FBXO36: variants seen among roughly 807,000 people sequenced by gnomAD.
The protein encoded by FBXO36 is F-box only protein 36.
Under a neutral mutation model 17.0 loss-of-function variants are expected in FBXO36, and 18 were observed. That is an observed-to-expected ratio of 1.06 (90% confidence interval 0.73 to 1.57). The LOEUF (loss-of-function observed/expected upper bound fraction) is 1.57. Among genes scored for constraint, FBXO36 ranks in the 40% most tolerant of loss-of-function variants. The pLI, the probability that FBXO36 is intolerant of heterozygous loss-of-function variation, is 0.00. For synonymous variants in FBXO36, 83 were observed against 85.3 expected (o/e 0.97, Z 0.15); for missense variants, 229 against 221.9 (o/e 1.03, Z -0.20).
At chr2:229,953,055 C>A (rs1054916347) in intron 1 of FBXO36, among the ~76,000 whole-genome samples, 1 of 152,028 alleles carries the variant, frequency 6.6e-6, no homozygotes, top group East Asian at 1.9e-4. Flanking sequence ...GAAAAGAAAA[C>A]GGCCGGGTGC....
At chr2:229,964,094 A>T (rs1365931423) in intron 1 of FBXO36, among the ~76,000 whole-genome samples, 1 of 151,290 alleles carries the variant, frequency 6.6e-6, no homozygotes, top group African/African-American at 2.4e-5. Flanking sequence ...TTCTCTCTTT[A>T]TACAAACTCT....
chr2:229,930,102 C>T (rs1449809031), intron 1 of FBXO36, among the ~76,000 whole-genome samples: 2 of 152,226 alleles, frequency 1.3e-5, no homozygotes, highest in Admixed American at 6.5e-5. Flanking sequence ...AATCCTAGCA[C>T]GTTGGGAGAC....
At chr2:229,983,101 C>T (rs774478527) in intron 2 of FBXO36, among the ~76,000 whole-genome samples, 10 of 152,128 alleles carry the variant, frequency 6.6e-5, no homozygotes, top group Admixed American at 1.3e-4. Context: ...TCCTGCCGGG[C>T]GCGGTGGCTC....
At chr2:229,969,786 A>T (rs1007468798) in intron 1 of FBXO36, among the ~76,000 whole-genome samples, 3 of 152,244 alleles carry the variant, frequency 2.0e-5, no homozygotes, top group African/African-American at 7.2e-5. Context: ...GGAACAGAAT[A>T]GCAGAAAATA....
At chr2:229,980,406 G>C (rs1228618896) in intron 2 of FBXO36, among the ~76,000 whole-genome samples, 1 of 152,012 alleles carries the variant, frequency 6.6e-6, no homozygotes, top group African/African-American at 2.4e-5. Flanking sequence ...CCAGAGCTAT[G>C]TGTCTAGTTA....
At chr2:229,934,551 A>G (rs1285515087) in intron 1 of FBXO36, among the ~76,000 whole-genome samples, 1 of 152,238 alleles carries the variant, frequency 6.6e-6, no homozygotes, top group Non-Finnish European at 1.5e-5. Context: ...TTGGAAAACC[A>G]GTCAGCAGTC....
chr2:229,984,391 AT>A (rs1363696932), intron 2 of FBXO36, among the ~76,000 whole-genome samples: 48 of 147,716 alleles, frequency 3.2e-4, no homozygotes, highest in African/African-American at 8.4e-4. Flanking sequence ...TTTAGGTTTT[AT>A]TTTTTTTTTA....
chr2:229,984,087 C>T (rs1276128338), intron 2 of FBXO36, among the ~76,000 whole-genome samples: 2 of 152,150 alleles, frequency 1.3e-5, no homozygotes, highest in East Asian at 1.9e-4. Context: ...CGGTGGCTCA[C>T]GCCTGTAATC....
intron 2 of FBXO36, among the ~76,000 whole-genome samples, chr2:229,979,582 C>A (rs188626408): frequency 3.3e-5 from 5 of 151,934 alleles, no homozygotes; most frequent in Admixed American, 2.0e-4. Flanking sequence ...GTGTTTGAGA[C>A]CAGCTTGGCC....
chr2:229,956,276 G>A (rs1035832), intron 1 of FBXO36, among the ~76,000 whole-genome samples: 1 of 152,168 alleles, frequency 6.6e-6, no homozygotes, highest in African/African-American at 2.4e-5. Context: ...CTTTCAGATG[G>A]CTGACTTCTT....
intron 2 of FBXO36, among the ~76,000 whole-genome samples, chr2:229,982,827 A>G (rs2077247891): frequency 6.6e-6 from 1 of 150,728 alleles, no homozygotes; most frequent in South Asian, 2.1e-4. Context: ...ACATCTGCAC[A>G]GTTACTTTTG....
rs187801496 is a variant in FBXO36 at position 229,982,400 on chromosome 2, G to A, written c.205+6051G>A. Among the ~76,000 whole-genome samples the A allele has an allele frequency of 4.1e-3, 631 of 152,062 alleles. 7 individuals are homozygous for A. Among genetic ancestry groups the A allele is most frequent in the African/African-American group, 0.013 (551 of 41,482 alleles). On this transcript the variant is annotated intron_variant, in intron 2 of 3. Coordinates refer to ENST00000283946, the MANE Select transcript of FBXO36 (RefSeq NM_174899.5). ...GAGGCATCACTCTCACCTTGCCTCC[G>A]TGGTCATGTCTCCTTCTCTGACTAT...
At chr2:229,984,256 G>A in intron 2 of FBXO36, among the ~76,000 whole-genome samples, 1 of 151,758 alleles carries the variant, frequency 6.6e-6, no homozygotes, top group South Asian at 2.1e-4. Context: ...GTTGAGGCAG[G>A]AGAATCGCTT....
intron 3 of FBXO36, among the ~76,000 whole-genome samples, chr2:229,998,204 G>A (rs909723999): frequency 6.6e-6 from 1 of 152,124 alleles, no homozygotes; most frequent in Non-Finnish European, 1.5e-5. Flanking sequence ...AGGCACAGTG[G>A]CTCATGACTG....
intron 1 of FBXO36, among the ~76,000 whole-genome samples, chr2:229,932,244 G>GGCAC (rs1560429773): frequency 1.3e-5 from 2 of 151,898 alleles, no homozygotes; most frequent in African/African-American, 4.8e-5. Context: ...GCCAGGGCCC[G>GGCAC]GCACGGTGGC....
intron 2 of FBXO36, among the ~76,000 whole-genome samples, chr2:229,984,219 G>A (rs1472368829): frequency 6.6e-6 from 1 of 151,334 alleles, no homozygotes; most frequent in Non-Finnish European, 1.5e-5. Flanking sequence ...ATGGTGGCAC[G>A]TGCCTGTAGT....
chr2:229,935,021 A>G (rs1372585767), intron 1 of FBXO36, among the ~76,000 whole-genome samples: 1 of 152,188 alleles, frequency 6.6e-6, no homozygotes, highest in Non-Finnish European at 1.5e-5. Context: ...ATTTTAAACT[A>G]ATAATCCAAA....
At chr2:229,953,711 G>A (rs2106174643) in intron 1 of FBXO36, among the ~76,000 whole-genome samples, 1 of 151,704 alleles carries the variant, frequency 6.6e-6, no homozygotes, top group Non-Finnish European at 1.5e-5. Context: ...TTTTTCAAGA[G>A]GGGAAGGAGA....
intron 1 of FBXO36, among the ~76,000 whole-genome samples, chr2:229,953,916 G>C (rs2077070459): frequency 1.3e-5 from 2 of 151,934 alleles, no homozygotes; most frequent in South Asian, 4.2e-4. Flanking sequence ...GCTTAGGTTG[G>C]AGTGCAGTGG....
Sources: allele counts gnomAD v4.1 joint callset (sites outside exome capture counted in the v4.1 genomes callset), GRCh38; gene constraint gnomAD v4.1.1; transcripts MANE v1.5; gene names NCBI Gene and HGNC (gene_info 2026-07-23, HGNC 2026-07-21).